Variants in WFS1 observed in about 807,000 individuals in gnomAD.
WFS1 encodes wolframin ER transmembrane glycoprotein, also known as wolframin.
Under a neutral mutation model 68.5 loss-of-function variants are expected in WFS1, and 90 were observed. The ratio of observed to expected loss-of-function variants is 1.31; its 90% CI spans 1.11 to 1.56. WFS1 has a LOEUF of 1.56. Among genes scored for constraint, WFS1 ranks in the 40% most tolerant of loss-of-function variants. WFS1 has a pLI of 0.00. For synonymous variants in WFS1, 860 were observed against 540.7 expected, an observed-to-expected ratio of 1.59 and a Z score of -8.19; for missense variants, 1,767 against 1,232.6, an observed-to-expected ratio of 1.43 and a Z score of -6.49.
intron 6 of WFS1, among the ~76,000 whole-genome samples, chr4:6,293,020 C>T (rs759528243): frequency 6.6e-6 from 1 of 152,192 alleles, no homozygotes. Context: ...CAAAGAAACA[C>T]CTCACATGGA....
At position 6,295,171 on chromosome 4, in the gene WFS1, C is replaced by A. The variant is rs756319219; in HGVS notation, c.843C>A (p.Asp281Glu). 3 of 1,611,832 alleles carry A rather than the reference C, an allele frequency of 1.9e-6. No individual in the cohort carries two copies. The highest frequency in any genetic ancestry group is 2.5e-6 in the Non-Finnish European group (3 of 1,180,036). ...AGCTGGCGGGGAAGAGCCCTGAGGA[C>A]CTGCCACTGCGTCTGAAGGTGAGTG... ...DDELAGKSPE[D>E]LPLRLKVVKY... Residue 281 changes from aspartate (D) to glutamate (E), a missense_variant, in exon 7 of 8, where the codon GAC (aspartate) becomes GAA (glutamate). Coordinates refer to ENST00000226760, the MANE Select transcript of WFS1 (RefSeq NM_006005.3).
At chr4:6,288,287 C>CT (rs1248871966) in intron 3 of WFS1, among the ~76,000 whole-genome samples, 1 of 152,110 alleles carries the variant, frequency 6.6e-6, no homozygotes, top group Non-Finnish European at 1.5e-5. Flanking sequence ...CTCCCACATC[C>CT]TTTTGCCCAG....
chr4:6,282,359 C>T (rs963034009), intron 2 of WFS1, among the ~76,000 whole-genome samples: 1 of 152,230 alleles, frequency 6.6e-6, no homozygotes, highest in African/African-American at 2.4e-5. Flanking sequence ...ATGATGACAG[C>T]ACACAGCACA....
chr4:6,277,541 C>T lies in WFS1; in HGVS notation c.86C>T (p.Ala29Val). The change falls in exon 2 of 8, where the codon GCC becomes GTC. Residue 29 changes from alanine (A) to valine (V), a missense_variant. Ala to Val is a moderately conservative substitution (Grantham distance 64). Transcript: ENST00000226760. ...CCCCAGGCGCGTTCCCGACTCAATG[C>T]CACAGCCTCGTTGGAGCAGGAGAGG... ...PQPQARSRLN[A>V]TASLEQERSE... 2 of 1,589,542 alleles carry T rather than the reference C, an allele frequency of 1.3e-6. No homozygotes were observed. The highest frequency in any genetic ancestry group is 1.7e-6 in the Non-Finnish European group (2 of 1,168,710).
At position 6,302,840 on chromosome 4, in the gene WFS1, G is replaced by T; in HGVS notation, c.*372G>T. 2 of 331,402 alleles carry T rather than the reference G, an allele frequency of 6.0e-6. No individual in the cohort carries two copies. The highest frequency in any genetic ancestry group is 8.0e-5 in the South Asian group (2 of 25,096). The allele number at this position is 331,402 out of a possible 1,614,324, so 20.5% of individuals were successfully genotyped here. A position where few individuals can be genotyped will look rare whatever the true frequency, so the allele number is the denominator to read the frequency against. The stretch of plus-strand genomic sequence containing the variant: ...CCTGTTCCCTCTTTCTTTCTTTTGT[G>T]TTGGATTTGTTTAAAAACCAAATAA... On this transcript the variant is annotated 3_prime_UTR_variant, in exon 8 of 8. Coordinates refer to ENST00000226760, the MANE Select transcript of WFS1 (RefSeq NM_006005.3).
rs876658117 is a variant in WFS1 at position 6,300,815 on chromosome 4, C to T, written c.1020C>T (p.Phe340=). The change falls in exon 8 of 8, where the codon TTC becomes TTT. Residue 340 remains phenylalanine, a synonymous_variant. Coordinates refer to ENST00000226760, the MANE Select transcript of WFS1 (RefSeq NM_006005.3). Reference sequence around the variant, plus strand: ...TCGTCAGCAACCTCACCATCGACTTCTTCGCCTTCTTCATCCCGCTGGTCA... The same window carrying T: ...TCGTCAGCAACCTCACCATCGACTTTTTCGCCTTCTTCATCCCGCTGGTCA... ...FFIVSNLTID[F]FAFFIPLVIF... is the part of the protein sequence containing the mutation. 4.3e-6 allele frequency: 7 copies of T among 1,614,018 alleles called. No individual in the cohort carries two copies. Among genetic ancestry groups the T allele is most frequent in the East Asian group, 2.2e-5 (1 of 44,856 alleles).
intron 7 of WFS1, among the ~76,000 whole-genome samples, chr4:6,296,812 A>G (rs1445911780): frequency 6.6e-6 from 1 of 152,208 alleles, no homozygotes; most frequent in Admixed American, 6.5e-5. Context: ...GTTGTGTAGC[A>G]TCTGAAAATC....
At chr4:6,286,943 T>C in intron 2 of WFS1, 150 bp from the exon 3 acceptor site, 2 of 756,294 alleles carry the variant, frequency 2.6e-6, no homozygotes, top group African/African-American at 1.7e-5. Flanking sequence ...ATCTTCCCTG[T>C]CTGTGTCTGT....
intron 1 of WFS1, among the ~76,000 whole-genome samples, chr4:6,271,506 G>A (rs1005504540): frequency 3.3e-5 from 5 of 152,168 alleles, no homozygotes; most frequent in African/African-American, 4.8e-5. Flanking sequence ...CATCCTTGAC[G>A]GTGGCAATAA....
intron 1 of WFS1, among the ~76,000 whole-genome samples, chr4:6,272,266 C>T (rs1013830161): frequency 1.3e-5 from 2 of 152,256 alleles, no homozygotes; most frequent in African/African-American, 4.8e-5. Flanking sequence ...TGGACCTACC[C>T]TCAGTCCACA....
chr4:6,299,164 G>A (rs1257515068), intron 7 of WFS1, among the ~76,000 whole-genome samples: 2 of 152,220 alleles, frequency 1.3e-5, no homozygotes, highest in Admixed American at 6.5e-5. Flanking sequence ...CCTGTGTTCT[G>A]GCAGGGCTCA....
At chr4:6,294,057 C>A (rs1730554202) in intron 6 of WFS1, among the ~76,000 whole-genome samples, 1 of 152,234 alleles carries the variant, frequency 6.6e-6, no homozygotes, top group Admixed American at 6.5e-5. Flanking sequence ...TCCTCTTGCA[C>A]ACACAGCTGA....
chr4:6,288,875 C>G (rs1730384480), intron 3 of WFS1, 112 bp from the exon 4 acceptor site: 3 of 1,505,600 alleles, frequency 2.0e-6, no homozygotes, highest in East Asian at 2.4e-5. Flanking sequence ...TCTGCCCCTT[C>G]CTTCCTGGCC....
intron 7 of WFS1, among the ~76,000 whole-genome samples, chr4:6,300,371 A>C (rs1730834235): frequency 6.6e-6 from 1 of 152,004 alleles, no homozygotes; most frequent in Non-Finnish European, 1.5e-5. Context: ...TCTTGCAGGG[A>C]GAGAAGCACA....
chr4:6,280,873 A>C (rs1309702945), intron 2 of WFS1, among the ~76,000 whole-genome samples: 1 of 150,172 alleles, frequency 6.7e-6, no homozygotes, highest in African/African-American at 2.5e-5. Context: ...GAGATTCGGG[A>C]GCTTTCCGAG....
At chr4:6,294,703 T>G in intron 6 of WFS1, 1 of 366,602 alleles carries the variant, frequency 2.7e-6, no homozygotes, top group South Asian at 2.3e-5. Context: ...TGGAGGTGCA[T>G]GTTGTAAGGC....
chr4:6,287,112 G>A lies in WFS1; in HGVS notation c.252G>A (p.Met84Ile). ...ADGTGPTKGD[M>I]EIPFEEVLER... ...TTAAAGGGCCTACAAAGGGAGACAT[G>A]GAAATCCCCTTTGAAGAAGTCCTGG... The change falls in exon 3 of 8, where the codon ATG becomes ATA. Residue 84 changes from methionine (M) to isoleucine (I), a missense_variant. Met to Ile is a conservative substitution (Grantham distance 10). Transcript: ENST00000226760. This position sits in a 1 kb window ranked among gnomAD's most constrained non-coding sequence, Gnocchi z 6.4. 6.4e-7 allele frequency: 1 copy of A among 1,559,040 alleles called. No homozygotes were observed. The highest frequency in any genetic ancestry group is 8.7e-7 in the Non-Finnish European group (1 of 1,149,892).
chr4:6,284,950 A>T (rs1353762150), intron 2 of WFS1, among the ~76,000 whole-genome samples: 1 of 151,078 alleles, frequency 6.6e-6, no homozygotes, highest in East Asian at 2.0e-4. Context: ...CTGAGCCCGC[A>T]GCCAGAAACC....
In WFS1 at chr4:6,302,508, T is replaced by A; in HGVS notation, c.*40T>A. 1.9e-6 allele frequency: 3 copies of A among 1,610,162 alleles called. No individual in the cohort carries two copies. Among genetic ancestry groups the A allele is most frequent in the Non-Finnish European group, 2.5e-6 (3 of 1,179,660 alleles). On this transcript the variant is annotated 3_prime_UTR_variant, in exon 8 of 8. Transcript: ENST00000226760. ...GAGGAGCTTCCAGTGCATGTTGCCA[T>A]GAGGCCTTTCCCCAGTGTGGCCCCA... is the stretch of plus-strand genomic sequence containing the variant.
Sources: gnomAD v4.1 joint callset for allele counts (sites outside exome capture counted in the v4.1 genomes callset) on GRCh38, gnomAD v4.1.1 for gene constraint, Gnocchi (gnomAD v3.1) non-coding constraint, MANE v1.5 for transcripts, NCBI Gene and HGNC (gene_info 2026-07-23, HGNC 2026-07-21) for gene names.